ALK: variants seen among roughly 807,000 people sequenced by gnomAD.
ALK encodes ALK tyrosine kinase receptor.
ALK carries 74 observed loss-of-function variants against 163.1 expected under a neutral mutation model. That is an observed-to-expected ratio of 0.45 (90% confidence interval 0.38 to 0.55). The LOEUF (loss-of-function observed/expected upper bound fraction) is 0.55. Ranked by LOEUF, ALK falls within the 20% of genes least tolerant of loss-of-function variation. The probability of loss-of-function intolerance (pLI) is 0.00; values close to 1 mark genes in which losing one functional copy is unlikely to be tolerated. For missense variants in ALK, 2,063 were observed against 2,105.3 expected (o/e 0.98, Z 0.39); for synonymous variants, 960 against 843.2 (o/e 1.14, Z -2.40).
Position 29,554,243 on chromosome 2 carries a change from G to A in ALK, c.953-22127C>T, listed in dbSNP as rs908602323. On this transcript the variant is annotated intron_variant, in intron 3 of 28. Transcript: ENST00000389048. Reference sequence around the variant, plus strand: ...TATTCATAGATATCATTAAGTGGGGGGAAAAAGGGAAAACCTTTGTAAAGA... The same window carrying A: ...TATTCATAGATATCATTAAGTGGGGAGAAAAAGGGAAAACCTTTGTAAAGA... 2.0e-5 allele frequency among the ~76,000 whole-genome samples: 3 copies of A among 152,204 alleles called. No individual in the cohort carries two copies. The East Asian group carries it at 5.8e-4, about 29-fold the overall frequency.
chr2:29,533,639 C>T (rs984428957), intron 3 of ALK, among the ~76,000 whole-genome samples: 3 of 152,190 alleles, frequency 2.0e-5, no homozygotes, highest in South Asian at 2.1e-4. Context: ...TCCATTTATT[C>T]GGTCCCTTCC....
At chr2:29,414,999 G>T (rs1332137597) in intron 4 of ALK, among the ~76,000 whole-genome samples, 1 of 151,800 alleles carries the variant, frequency 6.6e-6, no homozygotes, top group Non-Finnish European at 1.5e-5. Flanking sequence ...ACAAATGCAT[G>T]CATGGATACA....
chr2:29,762,015 G>A (rs1680719291), intron 1 of ALK, among the ~76,000 whole-genome samples: 1 of 152,214 alleles, frequency 6.6e-6, no homozygotes, highest in Admixed American at 6.5e-5. Context: ...ATATAGAGTA[G>A]GGGAATAATC....
intron 1 of ALK, among the ~76,000 whole-genome samples, chr2:29,849,746 G>T (rs1044408443): frequency 6.6e-6 from 1 of 152,110 alleles, no homozygotes; most frequent in South Asian, 2.1e-4. Flanking sequence ...GGTTGCAGTG[G>T]TGTCCCTTAG....
At chr2:29,372,216 C>T (rs929690608) in intron 5 of ALK, among the ~76,000 whole-genome samples, 3 of 152,178 alleles carry the variant, frequency 2.0e-5, no homozygotes, top group African/African-American at 7.2e-5. Flanking sequence ...CCTGTTGGTA[C>T]CTCTCAACCT....
chr2:29,577,573 A>C (rs1479057634), intron 3 of ALK, among the ~76,000 whole-genome samples: 2 of 152,174 alleles, frequency 1.3e-5, no homozygotes, highest in Non-Finnish European at 2.9e-5. Context: ...TAAAGGTAGA[A>C]AAAGGAGATG....
intron 5 of ALK, among the ~76,000 whole-genome samples, chr2:29,382,202 C>T (rs191472885): frequency 5.3e-4 from 80 of 152,166 alleles, no homozygotes; most frequent in African/African-American, 1.7e-3. Flanking sequence ...GCCCTGCCAG[C>T]GGAGACTTTC....
chr2:29,717,650 C>G lies in ALK; in HGVS notation c.715G>C (p.Asp239His). The change falls in exon 2 of 29, where the codon GAT (aspartate) becomes CAT (histidine). Residue 239 changes from aspartate to histidine, a missense_variant. Asp to His is a moderately conservative substitution (Grantham distance 81, BLOSUM62 -1). This residue lies in a region of ALK where 987 missense variants were observed against 939.5 expected (regional missense o/e 1.05). Transcript: ENST00000389048. The part of the protein sequence containing the change: ...SPTNMPSPSP[D>H]YFTWNLTWIM... ...CAGGTGAGATTCCATGTAAAATAATCAGGAGAAGGAGAAGGCATGTTTGTT... is the reference window on the plus strand; with the variant it reads ...CAGGTGAGATTCCATGTAAAATAATGAGGAGAAGGAGAAGGCATGTTTGTT... 1 of 1,613,870 alleles carries G rather than the reference C, an allele frequency of 6.2e-7. No homozygotes were observed. Among genetic ancestry groups the G allele is most frequent in the Non-Finnish European group, 8.5e-7 (1 of 1,179,840 alleles).
intron 4 of ALK, among the ~76,000 whole-genome samples, chr2:29,462,001 A>G (rs1671096016): frequency 1.3e-5 from 2 of 152,146 alleles, no homozygotes; most frequent in South Asian, 2.1e-4. Context: ...CTCACGGATG[A>G]CTTTGAGGGG....
chr2:29,433,253 A>T (rs991019564), intron 4 of ALK, among the ~76,000 whole-genome samples: 2 of 152,170 alleles, frequency 1.3e-5, no homozygotes, highest in African/African-American at 4.8e-5. Flanking sequence ...GCATGCATAG[A>T]AGTGGACAGG....
intron 5 of ALK, among the ~76,000 whole-genome samples, chr2:29,358,561 T>C (rs1668309242): frequency 6.6e-6 from 1 of 152,210 alleles, no homozygotes; most frequent in Non-Finnish European, 1.5e-5. Flanking sequence ...CAGCAAGTTC[T>C]CCCAAGTGCT....
At chr2:29,196,914 AT>A (rs1465750659) in intron 27 of ALK, 54 bp from the exon 28 acceptor site, 1 of 1,469,996 alleles carries the variant, frequency 6.8e-7, no homozygotes, top group Non-Finnish European at 9.5e-7. Context: ...GATGAAAAAT[AT>A]ATTTTCTTCC....
intron 4 of ALK, among the ~76,000 whole-genome samples, chr2:29,447,105 T>C (rs1230784168): frequency 6.6e-6 from 1 of 152,206 alleles, no homozygotes; most frequent in African/African-American, 2.4e-5. Flanking sequence ...TAAACGCAGC[T>C]GGGGCCTCGT....
At chr2:29,540,161 A>G (rs1673374468) in intron 3 of ALK, among the ~76,000 whole-genome samples, 1 of 152,184 alleles carries the variant, frequency 6.6e-6, no homozygotes, top group African/African-American at 2.4e-5. Context: ...TGAGCTGATA[A>G]GAAGCCCTTT....
intron 1 of ALK, among the ~76,000 whole-genome samples, chr2:29,899,004 C>T (rs1457433857): frequency 1.3e-5 from 2 of 152,144 alleles, no homozygotes; most frequent in African/African-American, 4.8e-5. Context: ...CTTCTAGGTA[C>T]TTCAGGGGCC....
intron 1 of ALK, among the ~76,000 whole-genome samples, chr2:29,894,068 G>A (rs1667210352): frequency 6.6e-6 from 1 of 152,136 alleles, no homozygotes; most frequent in Admixed American, 6.6e-5. Context: ...AATAATTTAA[G>A]TGCTCATAAA....
intron 11 of ALK, among the ~76,000 whole-genome samples, chr2:29,263,441 C>T (rs1665138190): frequency 6.6e-6 from 1 of 152,140 alleles, no homozygotes; most frequent in African/African-American, 2.4e-5. Context: ...GAGGTGCAGG[C>T]AGCCCAACTG....
intron 3 of ALK, among the ~76,000 whole-genome samples, chr2:29,590,671 C>T (rs907528050): frequency 1.3e-5 from 2 of 152,118 alleles, no homozygotes; most frequent in Admixed American, 6.5e-5. Flanking sequence ...GATGTTTCCT[C>T]CTTGGAATTT....
At chr2:29,912,229 A>T (rs1205044832) in intron 1 of ALK, among the ~76,000 whole-genome samples, 2 of 152,198 alleles carry the variant, frequency 1.3e-5, no homozygotes, top group Non-Finnish European at 2.9e-5. Flanking sequence ...GAAAGACATA[A>T]ACTTATAGAC....
Sources: allele counts gnomAD v4.1 joint callset (sites outside exome capture counted in the v4.1 genomes callset), GRCh38; gene constraint gnomAD v4.1.1; regional missense constraint gnomAD v4.1.1; transcripts MANE v1.5; gene names NCBI Gene and HGNC (gene_info 2026-07-23, HGNC 2026-07-21).